Variants in NAA16 observed in about 807,000 individuals in gnomAD.
NAA16 encodes N-alpha-acetyltransferase 16, NatA auxiliary subunit.
NAA16 carries 97 observed loss-of-function variants against 110.3 expected under a neutral mutation model. That is an observed-to-expected ratio of 0.88 (90% confidence interval 0.75 to 1.04). The LOEUF (loss-of-function observed/expected upper bound fraction) is 1.04, where lower values mean the gene tolerates loss of function less well. Among genes scored for constraint, NAA16 ranks in the 50% least tolerant of loss-of-function variants. The pLI, the probability that NAA16 is intolerant of heterozygous loss-of-function variation, is 0.00. For synonymous variants in NAA16, 372 were observed against 330.6 expected (o/e 1.13, Z -1.36); for missense variants, 1,017 against 1,005.1 (o/e 1.01, Z -0.16).
At chr13:41,331,191 A>T (rs1198417275) in intron 7 of NAA16, 83 bp from the exon 8 acceptor site, 2 of 817,056 alleles carry the variant, frequency 2.4e-6, no homozygotes, top group Middle Eastern at 2.4e-4. Context: ...TTTATTTATA[A>T]CAAAATTTTA....
At chr13:41,314,349 T>G (rs1285501314) in intron 1 of NAA16, among the ~76,000 whole-genome samples, 2 of 152,246 alleles carry the variant, frequency 1.3e-5, no homozygotes, top group African/African-American at 4.8e-5. Context: ...TTCCTTTCTC[T>G]TGTTTTTTTC....
intron 12 of NAA16, 31 bp downstream of exon 12, chr13:41,358,993 G>T: frequency 6.5e-7 from 1 of 1,549,268 alleles, no homozygotes; most frequent in Non-Finnish European, 8.8e-7. Flanking sequence ...GCATGTAATT[G>T]TCTAAATTAA....
intron 9 of NAA16, among the ~76,000 whole-genome samples, chr13:41,337,827 A>G (rs1173157787): frequency 6.6e-6 from 1 of 152,216 alleles, no homozygotes; most frequent in Admixed American, 6.5e-5. Flanking sequence ...TGTGAATAAT[A>G]CAATGTTGGA....
chr13:41,362,896 G>A, intron 13 of NAA16: 1 of 1,177,450 alleles, frequency 8.5e-7, no homozygotes, highest in African/African-American at 1.6e-5. Flanking sequence ...TCTGCACCGT[G>A]GCAGTCACTT....
intron 15 of NAA16, among the ~76,000 whole-genome samples, chr13:41,371,135 C>G (rs948149274): frequency 7.2e-5 from 11 of 152,126 alleles, no homozygotes; most frequent in African/African-American, 2.7e-4. Context: ...GATGCCACAC[C>G]AGAGGAATTA....
At chr13:41,332,928 A>G (rs1473501648) in intron 8 of NAA16, among the ~76,000 whole-genome samples, 3 of 152,126 alleles carry the variant, frequency 2.0e-5, no homozygotes, top group Middle Eastern at 3.4e-3. Context: ...CTGATCCTCC[A>G]TTTTTTTGGT....
chr13:41,373,040 A>G, intron 17 of NAA16: 1 of 818,118 alleles, frequency 1.2e-6, no homozygotes, highest in Non-Finnish European at 1.5e-6. Flanking sequence ...GTTGTCTTAC[A>G]TTAAGCTGGT....
At chr13:41,342,921 C>T (rs1438196989) in intron 9 of NAA16, among the ~76,000 whole-genome samples, 1 of 152,106 alleles carries the variant, frequency 6.6e-6, no homozygotes, top group Non-Finnish European at 1.5e-5. Flanking sequence ...AGTAAAAGTG[C>T]TGAGTAACTT....
At chr13:41,333,806 A>G (rs1244809230) in intron 8 of NAA16, among the ~76,000 whole-genome samples, 3 of 151,938 alleles carry the variant, frequency 2.0e-5, no homozygotes, top group African/African-American at 7.2e-5. Flanking sequence ...GTGGCAGTAT[A>G]GGGTAGGAAA....
At chr13:41,350,217 T>C (rs978724271) in intron 9 of NAA16, among the ~76,000 whole-genome samples, 2 of 150,610 alleles carry the variant, frequency 1.3e-5, no homozygotes, top group African/African-American at 4.9e-5. Flanking sequence ...GAACTTAGAC[T>C]GCATCACTGC....
rs553717732 is a variant in NAA16 at position 41,336,704 on chromosome 13, G to A, written c.962G>A (p.Gly321Asp). 6 of 1,609,482 alleles carry A rather than the reference G, an allele frequency of 3.7e-6. No individual in the cohort carries two copies. The South Asian group carries it at 6.7e-5, about 18-fold the overall frequency. ...TTCCTGAGGGTTAACTTCAGTAAAG[G>A]CTGCCCACCCTTGTTTACTACTTTG... ...DKFLRVNFSK[G>D]CPPLFTTLKS... The change falls in exon 9 of 20, where the codon GGC becomes GAC. Residue 321 changes from glycine (G) to aspartate (D), a missense_variant. By Grantham distance (94) the Gly-to-Asp change is moderately conservative. Coordinates refer to ENST00000379406, the MANE Select transcript of NAA16 (RefSeq NM_024561.5).
chr13:41,369,329 A>G, intron 15 of NAA16, 46 bp downstream of exon 15: 1 of 1,456,870 alleles, frequency 6.9e-7, no homozygotes. Context: ...AATTTATGCT[A>G]TTTGGTTCCG....
chr13:41,360,015 AAAT>A (rs1401247607), intron 12 of NAA16, among the ~76,000 whole-genome samples: 5 of 152,172 alleles, frequency 3.3e-5, no homozygotes, highest in Non-Finnish European at 7.4e-5. Context: ...ACCACATAGT[AAAT>A]AGCACTAGGT....
At chr13:41,328,611 A>AT in intron 6 of NAA16, 113 bp from the exon 7 acceptor site, 1 of 852,174 alleles carries the variant, frequency 1.2e-6, no homozygotes, top group Non-Finnish European at 1.8e-6. Context: ...AAGGGGAAGC[A>AT]TACAGAGTTC....
intron 4 of NAA16, 113 bp from the exon 5 acceptor site, chr13:41,322,943 C>A: frequency 1.0e-6 from 1 of 983,940 alleles, no homozygotes; most frequent in Non-Finnish European, 1.6e-6. Flanking sequence ...TATTCTGAAA[C>A]TGATCTTTGT....
intron 3 of NAA16, among the ~76,000 whole-genome samples, chr13:41,320,283 A>G (rs910900927): frequency 6.6e-6 from 1 of 152,238 alleles, no homozygotes; most frequent in Non-Finnish European, 1.5e-5. Flanking sequence ...AGACATCATG[A>G]TGAAGAATAG....
chr13:41,373,923 C>A, intron 18 of NAA16, 143 bp downstream of exon 18: 1 of 1,279,534 alleles, frequency 7.8e-7, no homozygotes, highest in South Asian at 1.9e-5. Flanking sequence ...AAGTTATGTT[C>A]AATAATAGGG....
At chr13:41,372,102 G>T (rs2043331540) in intron 15 of NAA16, 101 bp from the exon 16 acceptor site, 1 of 966,356 alleles carries the variant, frequency 1.0e-6, no homozygotes, top group African/African-American at 1.7e-5. Flanking sequence ...TATAAAGAAA[G>T]CTGTCTAAAT....
intron 18 of NAA16, chr13:41,374,010 A>G: frequency 2.1e-6 from 1 of 486,692 alleles, no homozygotes. Flanking sequence ...ATAACGGGCA[A>G]ATACTTTTAT....
Sources: gnomAD v4.1 joint callset for allele counts (sites outside exome capture counted in the v4.1 genomes callset) on GRCh38, gnomAD v4.1.1 for gene constraint, MANE v1.5 for transcripts, NCBI Gene and HGNC (gene_info 2026-07-23, HGNC 2026-07-21) for gene names.